The following PLPPR4 variants were observed in gnomAD, a reference collection of about 807,000 sequenced individuals.
The protein encoded by PLPPR4 is phospholipid phosphatase-related protein type 4.
In PLPPR4, 24 loss-of-function variants were observed where a neutral mutation model predicts 56.6. The ratio of observed to expected loss-of-function variants is 0.42; its 90% CI spans 0.31 to 0.60. PLPPR4 has a LOEUF of 0.60. Ranked by LOEUF, PLPPR4 falls within the 20% of genes least tolerant of loss-of-function variation. The pLI is 0.13. For missense variants in PLPPR4, 654 were observed against 885.8 expected (o/e 0.74, Z 3.32); for synonymous variants, 326 against 328.1 (o/e 0.99, Z 0.07).
At position 99,309,138 on chromosome 1, in the gene PLPPR4, C is replaced by T. The variant is rs1216144420; in HGVS notation, c.*2128C>T. 3 of 152,442 alleles carry T rather than the reference C, an allele frequency of 2.0e-5. No homozygotes were observed. The highest frequency in any genetic ancestry group is 4.4e-5 in the Non-Finnish European group (3 of 68,004). The allele number at this position is 152,442 out of a possible 1,614,324, so 9.4% of individuals were successfully genotyped here. A position where few individuals can be genotyped will look rare whatever the true frequency, so the allele number is the denominator to read the frequency against. On this transcript the variant is annotated 3_prime_UTR_variant, in exon 7 of 7. Transcript: ENST00000370185. ...ACAAATTGTACCACATTGTTAAGGA[C>T]ATATAATGATAGACACTAGAACTCA...
At position 99,288,166 on chromosome 1, in the gene PLPPR4, A is replaced by C; in HGVS notation, c.264+16A>C. 3 of 1,610,852 alleles carry C rather than the reference A, an allele frequency of 1.9e-6. No individual in the cohort carries two copies. Among genetic ancestry groups the C allele is most frequent in the Non-Finnish European group, 2.5e-6 (3 of 1,178,194 alleles). ...TGCAATTACGGTAAGAATTACCCCCAAAATTGTGTTTATCTGTCCTGGAAA... is the reference window on the plus strand; with the variant it reads ...TGCAATTACGGTAAGAATTACCCCCCAAATTGTGTTTATCTGTCCTGGAAA... On this transcript the variant is annotated intron_variant, in intron 2 of 6. Transcript: ENST00000370185.
intron 1 of PLPPR4, among the ~76,000 whole-genome samples, chr1:99,275,594 C>T (rs1470072146): frequency 6.6e-6 from 1 of 152,142 alleles, no homozygotes; most frequent in Non-Finnish European, 1.5e-5. Flanking sequence ...TGGACTGAAC[C>T]TCAGCTTTGG....
In PLPPR4 at chr1:99,302,019, A is replaced by G. The variant is rs1031860671; in HGVS notation, c.822+122A>G. 2.7e-5 allele frequency: 16 copies of G among 591,210 alleles called. No homozygotes were observed. The Admixed American group carries it at 4.9e-4, about 18-fold the overall frequency. 36.6% of individuals were successfully genotyped at this position (591,210 alleles called of 1,614,324 possible). ...TATAAATGAGAAAATCTCTGGCCGC[A>G]TCTCCATTCTATGCCAAAACACATA... On this transcript the variant is annotated intron_variant, in intron 6 of 6. Coordinates refer to ENST00000370185, the MANE Select transcript of PLPPR4 (RefSeq NM_014839.5).
intron 2 of PLPPR4, among the ~76,000 whole-genome samples, chr1:99,293,496 T>G (rs1659671403): frequency 6.6e-6 from 1 of 152,102 alleles, no homozygotes; most frequent in Admixed American, 6.6e-5. Flanking sequence ...GAAAGACTAT[T>G]TGGGTTTATC....
At chr1:99,293,355 A>AT (rs1456892034) in intron 2 of PLPPR4, among the ~76,000 whole-genome samples, 1 of 152,104 alleles carries the variant, frequency 6.6e-6, no homozygotes, top group Admixed American at 6.5e-5. Flanking sequence ...TGAAATGTAT[A>AT]TTTTTATTTT....
chr1:99,293,487 A>G (rs1340131465), intron 2 of PLPPR4, among the ~76,000 whole-genome samples: 2 of 152,188 alleles, frequency 1.3e-5, no homozygotes, highest in Non-Finnish European at 2.9e-5. Flanking sequence ...AGAAAACAAG[A>G]AAGACTATTT....
At chr1:99,275,171 T>A (rs1659154101) in intron 1 of PLPPR4, among the ~76,000 whole-genome samples, 1 of 152,162 alleles carries the variant, frequency 6.6e-6, no homozygotes, top group African/African-American at 2.4e-5. Context: ...AATAATGTCT[T>A]CTTCATGGCA....
chr1:99,281,310 A>C (rs950245726), intron 1 of PLPPR4, among the ~76,000 whole-genome samples: 1 of 152,150 alleles, frequency 6.6e-6, no homozygotes, highest in South Asian at 2.1e-4. Flanking sequence ...CCCTGTTTCA[A>C]TTTGTATCTA....
rs774671273 is a variant in PLPPR4, at chr1:99,307,603, G to T, written c.*593G>T. ...GCTTTGTGTTAGAATAGGACACCCCGCAGCTTCTCTGTAGTGGCTCTGTCA... is the reference window on the plus strand; with the variant it reads ...GCTTTGTGTTAGAATAGGACACCCCTCAGCTTCTCTGTAGTGGCTCTGTCA... On this transcript the variant is annotated 3_prime_UTR_variant, in exon 7 of 7. Coordinates refer to ENST00000370185, the MANE Select transcript of PLPPR4 (RefSeq NM_014839.5). 2 of 152,204 alleles carry T rather than the reference G, an allele frequency of 1.3e-5. No individual in the cohort carries two copies. The highest frequency in any genetic ancestry group is 2.9e-5 in the Non-Finnish European group (2 of 68,072). The allele number at this position is 152,204 out of a possible 1,614,324, so 9.4% of individuals were successfully genotyped here.
intron 1 of PLPPR4, among the ~76,000 whole-genome samples, chr1:99,275,606 T>C (rs975429147): frequency 6.6e-6 from 1 of 152,180 alleles, no homozygotes; most frequent in African/African-American, 2.4e-5. Context: ...CAGCTTTGGC[T>C]TTGGCCTTGG....
chr1:99,264,682 C>A lies in PLPPR4; in HGVS notation c.78+11C>A. 6.5e-7 allele frequency: 1 copy of A among 1,550,184 alleles called. No individual in the cohort carries two copies. The highest frequency in any genetic ancestry group is 1.2e-5 in the South Asian group (1 of 84,034). On this transcript the variant is annotated intron_variant, in intron 1 of 6. Coordinates refer to ENST00000370185, the MANE Select transcript of PLPPR4 (RefSeq NM_014839.5). ...TTTTATTTCGTCGAGGTGAGTTGGC[C>A]CAGTGCCTTGGCATAATGCAGATCC...
In PLPPR4 at chr1:99,299,376, A is replaced by G; in HGVS notation, c.590+146A>G. On this transcript the variant is annotated intron_variant, in intron 4 of 6. Transcript: ENST00000370185. ...ATTCAATGATCTCTTCAATTACTAA[A>G]CCATAGAAACTCATTGGGGGCTTAT... The G allele has an allele frequency of 9.2e-6, 6 of 652,302 alleles. No individual in the cohort carries two copies. The South Asian group carries it at 9.8e-5, about 11-fold the overall frequency. The allele number at this position is 652,302 out of a possible 1,614,324, so 40.4% of individuals were successfully genotyped here. A position where few individuals can be genotyped will look rare whatever the true frequency, so the allele number is the denominator to read the frequency against.
chr1:99,279,052 C>A (rs764479756), intron 1 of PLPPR4, among the ~76,000 whole-genome samples: 19 of 152,158 alleles, frequency 1.2e-4, no homozygotes, highest in Non-Finnish European at 2.5e-4. Context: ...AACAATACTG[C>A]AAGAATGTCT....
At position 99,299,221 on chromosome 1, in the gene PLPPR4, A is replaced by G; in HGVS notation, c.581A>G (p.Asn194Ser). 1.9e-6 allele frequency: 3 copies of G among 1,612,526 alleles called. No homozygotes were observed. In the South Asian group the frequency reaches 3.3e-5, roughly 18 times the overall value. ...TCAGGATCTGACCTCACAGTTATCA[A>G]CAGTGGCAGGTTAGAAACAGATCTA... ...ICSGSDLTVI[N>S]SGRKSFPSQH... The change falls in exon 4 of 7, where the codon AAC (asparagine) becomes AGC (serine). Residue 194 changes from asparagine to serine, a missense_variant. Physicochemically the swap from Asn to Ser is conservative, Grantham distance 46. Coordinates refer to ENST00000370185, the MANE Select transcript of PLPPR4 (RefSeq NM_014839.5).
intron 6 of PLPPR4, among the ~76,000 whole-genome samples, chr1:99,302,515 A>C (rs542734021): frequency 1.3e-4 from 19 of 150,430 alleles, no homozygotes; most frequent in African/African-American, 4.6e-4. Flanking sequence ...TTTTTTTATT[A>C]TTATTATTAT....
intron 1 of PLPPR4, among the ~76,000 whole-genome samples, chr1:99,276,921 T>A (rs1659200688): frequency 6.6e-6 from 1 of 152,168 alleles, no homozygotes; most frequent in African/African-American, 2.4e-5. Context: ...AAATTGCCCA[T>A]GTTTGGTGAG....
upstream of PLPPR4, chr1:99,264,186 C>A (rs900237044): frequency 8.4e-5 from 43 of 510,422 alleles, no homozygotes; most frequent in Non-Finnish European, 1.7e-5. Context: ...CTAACTACTG[C>A]AGAAACCAGG....
intron 1 of PLPPR4, among the ~76,000 whole-genome samples, chr1:99,284,673 A>G (rs1457141991): frequency 1.3e-5 from 2 of 151,970 alleles, no homozygotes; most frequent in Non-Finnish European, 2.9e-5. Context: ...GGAAAATTAT[A>G]TAATTAGAAA....
chr1:99,274,467 C>G (rs1481857216), intron 1 of PLPPR4, among the ~76,000 whole-genome samples: 1 of 152,070 alleles, frequency 6.6e-6, no homozygotes, highest in Non-Finnish European at 1.5e-5. Flanking sequence ...CTACCTGATT[C>G]CCTGGAAAGG....
Sources: allele counts gnomAD v4.1 joint callset (sites outside exome capture counted in the v4.1 genomes callset), GRCh38; gene constraint gnomAD v4.1.1; transcripts MANE v1.5; gene names NCBI Gene and HGNC (gene_info 2026-07-23, HGNC 2026-07-21).